Variants in C10orf105 observed in about 807,000 individuals in gnomAD.
The protein encoded by C10orf105 is uncharacterized protein C10orf105.
Under a neutral mutation model 0.6 loss-of-function variants are expected in C10orf105, and 2 were observed. The observed-to-expected ratio is 3.18, with a 90% confidence interval of 1.30 to 10.01. The LOEUF is 10.01. Among genes scored for constraint, C10orf105 ranks in the 30% most tolerant of loss-of-function variants. The pLI, the probability that C10orf105 is intolerant of heterozygous loss-of-function variation, is 0.04. For synonymous variants in C10orf105, 95 were observed against 82.4 expected, an observed-to-expected ratio of 1.15 and a Z score of -0.83; for missense variants, 209 against 191.4, an observed-to-expected ratio of 1.09 and a Z score of -0.54.
chr10:71,731,350 T>C (rs1564763259), intron 1 of C10orf105, among the ~76,000 whole-genome samples: 1 of 152,112 alleles, frequency 6.6e-6, no homozygotes, highest in Non-Finnish European at 1.5e-5. Flanking sequence ...GTGGCATGCA[T>C]GGGATGGGGT....
chr10:71,722,625 G>A (rs1866610624), upstream of C10orf105, among the ~76,000 whole-genome samples: 1 of 152,222 alleles, frequency 6.6e-6, no homozygotes, highest in South Asian at 2.1e-4. Flanking sequence ...TGTATCAGAG[G>A]GTGACCAGGG....
At chr10:71,716,590 T>C in intron 1 of C10orf105, 1 of 412,604 alleles carries the variant, frequency 2.4e-6, no homozygotes, top group Non-Finnish European at 4.3e-6. Flanking sequence ...TGTGCCCATC[T>C]GCCATGCAGA....
exon 1 of C10orf105, chr10:71,737,774 C>T (rs972008118): frequency 1.7e-5 from 8 of 469,618 alleles, no homozygotes; most frequent in Admixed American, 9.4e-5. Context: ...GGACTGGAGG[C>T]CTCACCCGCG....
At chr10:71,730,391 C>T (rs1010246733) in intron 1 of C10orf105, 159 of 1,540,870 alleles carry the variant, frequency 1.0e-4, no homozygotes, top group Non-Finnish European at 1.3e-4. Context: ...CCACACAAGG[C>T]GGCCACAGTG....
intron 1 of C10orf105, among the ~76,000 whole-genome samples, chr10:71,731,802 C>T (rs1052729173): frequency 6.6e-6 from 1 of 152,210 alleles, no homozygotes; most frequent in Non-Finnish European, 1.5e-5. Flanking sequence ...CATGCTGGAC[C>T]TTGCCATCCA....
rs1475746676 is a variant in C10orf105 at position 71,715,511 on chromosome 10, G to A, written c.*425C>T. Reference sequence around the variant, plus strand: ...CAGTGTCTTGGCCCCGGTGTAGGCTGAGCATTTCACTTGACTAAAGGGAAC... The same window carrying A: ...CAGTGTCTTGGCCCCGGTGTAGGCTAAGCATTTCACTTGACTAAAGGGAAC... On this transcript the variant is annotated 3_prime_UTR_variant, in exon 2 of 2. Transcript: ENST00000441508. The A allele has an allele frequency of 6.3e-6, 1 of 159,086 alleles. No homozygotes were observed. The highest frequency in any genetic ancestry group is 1.4e-5 in the Non-Finnish European group (1 of 72,596). The allele number at this position is 159,086 out of a possible 1,614,324, so 9.9% of individuals were successfully genotyped here.
upstream of C10orf105, among the ~76,000 whole-genome samples, chr10:71,720,794 C>T (rs1316637216): frequency 1.3e-5 from 2 of 152,190 alleles, no homozygotes; most frequent in African/African-American, 4.8e-5. Flanking sequence ...AAAAGAGCCC[C>T]CGTCTTCTCT....
intron 1 of C10orf105, chr10:71,730,344 C>A (rs199717566): frequency 2.4e-6 from 3 of 1,269,568 alleles, no homozygotes; most frequent in Non-Finnish European, 3.2e-6. Flanking sequence ...GCCTGGGGTC[C>A]TAGAGGGAGC....
chr10:71,717,681 T>A (rs998396489), intron 1 of C10orf105: 6 of 152,146 alleles, frequency 3.9e-5, no homozygotes, highest in Non-Finnish European at 5.9e-5. Context: ...CTCAAGGAAG[T>A]GGAGGGGCCT....
At chr10:71,721,393 C>A (rs1236682724), upstream of C10orf105, among the ~76,000 whole-genome samples, 3 of 152,210 alleles carry the variant, frequency 2.0e-5, no homozygotes, top group Non-Finnish European at 4.4e-5. Flanking sequence ...ACCTTCACCA[C>A]ACATCCCCAT....
intron 1 of C10orf105, among the ~76,000 whole-genome samples, chr10:71,729,327 C>A (rs955562540): frequency 6.6e-6 from 1 of 152,146 alleles, no homozygotes; most frequent in Non-Finnish European, 1.5e-5. Flanking sequence ...GTGTAAGAAG[C>A]GCCCACAGGA....
At chr10:71,724,166 T>C, upstream of C10orf105, 1 of 1,527,692 alleles carries the variant, frequency 6.5e-7, no homozygotes. Context: ...GCAGAGCTTC[T>C]CTAGGCTGCC....
upstream of C10orf105, among the ~76,000 whole-genome samples, chr10:71,720,886 C>T (rs1414554103): frequency 3.9e-5 from 6 of 152,160 alleles, no homozygotes; most frequent in Non-Finnish European, 7.4e-5. Flanking sequence ...TTGGTGTTTC[C>T]CCTGTGCTGG....
At chr10:71,725,925 G>A (rs1341542981) in intron 1 of C10orf105, among the ~76,000 whole-genome samples, 1 of 151,084 alleles carries the variant, frequency 6.6e-6, no homozygotes, top group Non-Finnish European at 1.5e-5. Context: ...ATAGAATCAG[G>A]ACTGGAGCCC....
intron 1 of C10orf105, among the ~76,000 whole-genome samples, chr10:71,730,160 C>T (rs1171564908): frequency 6.6e-6 from 1 of 152,168 alleles, no homozygotes; most frequent in African/African-American, 2.4e-5. Flanking sequence ...AATATTACCA[C>T]TTTATAGCTG....
At chr10:71,724,913 G>A (rs537302007) in intron 1 of C10orf105, among the ~76,000 whole-genome samples, 46 of 152,358 alleles carry the variant, frequency 3.0e-4, no homozygotes, top group Admixed American at 1.2e-3. Context: ...AAAAGATGGG[G>A]GAATGAGTGC....
At position 71,716,151 on chromosome 10, in the gene C10orf105, C is replaced by G. The variant is rs938587590; in HGVS notation, c.187G>C (p.Ala63Pro). ...GCCCTGCGGCGGCTCGGGTCCAGCG[C>G]GGCCGGCTTGCAGAGCGTCATGAAC... is the stretch of plus-strand genomic sequence containing the variant. ...LLFMTLCKPA[A>P]LDPSRRRAHE... The change falls in exon 2 of 2, where the codon GCG becomes CCG. Residue 63 changes from alanine to proline, a missense_variant. By Grantham distance (27) the Ala-to-Pro change is conservative. Coordinates refer to ENST00000441508, the MANE Select transcript of C10orf105 (RefSeq NM_001164375.3). 1 of 1,550,446 alleles carries G rather than the reference C, an allele frequency of 6.4e-7. No homozygotes were observed.
At chr10:71,733,175 A>G (rs1589383573) in intron 1 of C10orf105, among the ~76,000 whole-genome samples, 1 of 152,240 alleles carries the variant, frequency 6.6e-6, no homozygotes, top group East Asian at 1.9e-4. Flanking sequence ...TTACCAAAGT[A>G]TTATGAAGGA....
At chr10:71,737,177 C>T (rs1375593560) in intron 1 of C10orf105, among the ~76,000 whole-genome samples, 1 of 152,144 alleles carries the variant, frequency 6.6e-6, no homozygotes, top group Non-Finnish European at 1.5e-5. Context: ...CAGGGAACTC[C>T]ATAGCAAAAC....
Sources: gnomAD v4.1 joint callset for allele counts (sites outside exome capture counted in the v4.1 genomes callset) on GRCh38, gnomAD v4.1.1 for gene constraint, MANE v1.5 for transcripts, NCBI Gene and HGNC (gene_info 2026-07-23, HGNC 2026-07-21) for gene names.